DPP10: variants seen among roughly 807,000 people sequenced by gnomAD.
DPP10 encodes the protein dipeptidyl peptidase like 10, also known as inactive dipeptidyl peptidase 10.
DPP10 carries 33 observed loss-of-function variants against 120.9 expected under a neutral mutation model. The ratio of observed to expected loss-of-function variants is 0.27; its 90% CI spans 0.21 to 0.37. The LOEUF (loss-of-function observed/expected upper bound fraction) is 0.37, where lower values mean the gene tolerates loss of function less well. Among genes scored for constraint, DPP10 ranks in the 10% least tolerant of loss-of-function variants. The probability of loss-of-function intolerance (pLI) is 1.00; values close to 1 mark genes in which losing one functional copy is unlikely to be tolerated. For synonymous variants in DPP10, 337 were observed against 326.1 expected, an observed-to-expected ratio of 1.03 and a Z score of -0.36; for missense variants, 816 against 942.8, an observed-to-expected ratio of 0.87 and a Z score of 1.76.
chr2:115,476,720 TAG>T (rs1347713539), intron 3 of DPP10, among the ~76,000 whole-genome samples: 1 of 152,160 alleles, frequency 6.6e-6, no homozygotes, highest in African/African-American at 2.4e-5. Flanking sequence ...GTATGAAATT[TAG>T]AGAGTACAAC....
chr2:115,021,169 T>C (rs1848759), intron 1 of DPP10, among the ~76,000 whole-genome samples: 83,935 of 128,136 alleles, frequency 0.66, 23,676 homozygotes, highest in East Asian at 0.74. Context: ...TAACAAAGAT[T>C]GGAGCAGAGC....
chr2:114,571,016 T>A (rs1388774443), intron 1 of DPP10, among the ~76,000 whole-genome samples: 2 of 152,086 alleles, frequency 1.3e-5, no homozygotes, highest in Non-Finnish European at 2.9e-5. Context: ...TTCCAGGGAC[T>A]CATCTACTGG....
rs1491172929 is a variant in DPP10 at position 115,488,869 on chromosome 2, TTA to T, written c.272-10640_272-10639del. ...ACAATGTGCACATGTACCCTAAAAC[TTA>T]GAGTATAATAAAAAAAAAAAAAAAA... is the stretch of plus-strand genomic sequence containing the variant. On this transcript the variant is annotated intron_variant, in intron 3 of 25. Transcript: ENST00000410059. Among the ~76,000 whole-genome samples, 24 of 62,618 alleles carry T rather than the reference TTA, an allele frequency of 3.8e-4. No individual in the cohort carries two copies. In the South Asian group the frequency reaches 0.025, roughly 65 times the overall value. The allele number at this position is 62,618 out of a possible 152,430, so 41.1% of individuals were successfully genotyped here. A position where few individuals can be genotyped will look rare whatever the true frequency, so the allele number is the denominator to read the frequency against.
chr2:115,255,407 G>A (rs578088168), intron 1 of DPP10, among the ~76,000 whole-genome samples: 1 of 152,202 alleles, frequency 6.6e-6, no homozygotes, highest in Non-Finnish European at 1.5e-5. Context: ...CTTGGCCTGT[G>A]ATAGGAGGGG....
At chr2:114,693,355 A>G (rs926836642) in intron 1 of DPP10, among the ~76,000 whole-genome samples, 3 of 151,942 alleles carry the variant, frequency 2.0e-5, no homozygotes, top group African/African-American at 7.2e-5. Flanking sequence ...TTCACCAGAT[A>G]TGAAGTTCTA....
In DPP10 at chr2:115,601,195, G is replaced by A. The variant is rs191012775; in HGVS notation, c.441+75223G>A. On this transcript the variant is annotated intron_variant, in intron 5 of 25. Transcript: ENST00000410059. ...CTGGTTTGTCAAAGACCACCTTAAA[G>A]TGGTGACTAGAATTGAAAAGAGAAT... Among the ~76,000 whole-genome samples, 323 of 152,304 alleles carry A rather than the reference G, an allele frequency of 2.1e-3. 1 individual carries two copies. Among genetic ancestry groups the A allele is most frequent in the South Asian group, 8.9e-3 (43 of 4,830 alleles).
chr2:115,433,940 T>C (rs979936936), intron 3 of DPP10, among the ~76,000 whole-genome samples: 2 of 152,132 alleles, frequency 1.3e-5, no homozygotes, highest in East Asian at 3.9e-4. Flanking sequence ...ACTTGAATTC[T>C]GGTCTTCTCT....
intron 1 of DPP10, among the ~76,000 whole-genome samples, chr2:115,061,182 T>A (rs1162890336): frequency 6.6e-6 from 1 of 152,182 alleles, no homozygotes; most frequent in East Asian, 1.9e-4. Flanking sequence ...TGGAAAATAA[T>A]CAAAGAGCAA....
At chr2:115,687,420 G>C (rs1273435065) in intron 5 of DPP10, among the ~76,000 whole-genome samples, 1 of 151,978 alleles carries the variant, frequency 6.6e-6, no homozygotes, top group Non-Finnish European at 1.5e-5. Context: ...TCTAAACTCA[G>C]AGTAAAGGGC....
At chr2:114,519,985 T>C (rs1054346772) in intron 1 of DPP10, among the ~76,000 whole-genome samples, 21 of 26,130 alleles carry the variant, frequency 8.0e-4, no homozygotes, top group Admixed American at 6.0e-3. Context: ...GCACGTATAT[T>C]TCTGCTTTCA....
chr2:115,104,941 G>A (rs1559100538), intron 1 of DPP10, among the ~76,000 whole-genome samples: 7 of 151,974 alleles, frequency 4.6e-5, no homozygotes, highest in Admixed American at 3.9e-4. Context: ...AGGAGCCAGA[G>A]GTTGCAGTGA....
At chr2:114,550,899 A>C (rs1687832520) in intron 1 of DPP10, among the ~76,000 whole-genome samples, 1 of 152,200 alleles carries the variant, frequency 6.6e-6, no homozygotes, top group South Asian at 2.1e-4. Context: ...CTGACTGTTC[A>C]GATCAGACGA....
intron 1 of DPP10, among the ~76,000 whole-genome samples, chr2:114,515,687 G>C (rs993324945): frequency 6.6e-6 from 1 of 152,094 alleles, no homozygotes; most frequent in African/African-American, 2.4e-5. Flanking sequence ...GAAATTTCTA[G>C]GGTATTAAAA....
intron 1 of DPP10, among the ~76,000 whole-genome samples, chr2:114,757,030 A>G (rs1679816270): frequency 1.3e-5 from 2 of 151,526 alleles, no homozygotes; most frequent in Non-Finnish European, 2.9e-5. Context: ...AGTCTTGAAT[A>G]TAGGAAGGAA....
At chr2:114,881,244 T>A (rs1392896008) in intron 1 of DPP10, among the ~76,000 whole-genome samples, 1 of 152,098 alleles carries the variant, frequency 6.6e-6, no homozygotes, top group African/African-American at 2.4e-5. Flanking sequence ...GGTCTGGCCA[T>A]TGGCTGGGGC....
At chr2:114,994,965 C>A (rs937504828) in intron 1 of DPP10, among the ~76,000 whole-genome samples, 3 of 152,212 alleles carry the variant, frequency 2.0e-5, no homozygotes, top group African/African-American at 7.2e-5. Flanking sequence ...CAAGCACTCC[C>A]TGTATTCTAC....
At chr2:115,449,344 AT>A (rs1443837295) in intron 3 of DPP10, among the ~76,000 whole-genome samples, 2 of 152,232 alleles carry the variant, frequency 1.3e-5, no homozygotes, top group Non-Finnish European at 2.9e-5. Context: ...TTAGAAAAAA[AT>A]ATCAGAGAAA....
intron 3 of DPP10, among the ~76,000 whole-genome samples, chr2:115,358,674 G>A (rs192158147): frequency 1.3e-5 from 2 of 152,210 alleles, no homozygotes; most frequent in Admixed American, 6.5e-5. Flanking sequence ...TACTGTATAA[G>A]TCTGTTCTCA....
At chr2:115,590,136 A>G (rs2082544818) in intron 5 of DPP10, among the ~76,000 whole-genome samples, 2 of 132,124 alleles carry the variant, frequency 1.5e-5, no homozygotes, top group Admixed American at 8.0e-5. Flanking sequence ...TTTCCCCCAT[A>G]TGGTATTTGT....
Sources: allele counts gnomAD v4.1 joint callset (sites outside exome capture counted in the v4.1 genomes callset), GRCh38; gene constraint gnomAD v4.1.1; transcripts MANE v1.5; gene names NCBI Gene and HGNC (gene_info 2026-07-23, HGNC 2026-07-21).